The following KIAA1328 variants were observed in gnomAD, a reference collection of about 807,000 sequenced individuals.
KIAA1328 encodes protein hinderin.
Under a neutral mutation model 68.1 loss-of-function variants are expected in KIAA1328, and 52 were observed. The ratio of observed to expected loss-of-function variants is 0.76; its 90% CI spans 0.61 to 0.96. KIAA1328 has a LOEUF of 0.96. Ranked by LOEUF, KIAA1328 falls within the 40% of genes least tolerant of loss-of-function variation. The pLI is 0.00. For missense variants in KIAA1328, 641 were observed against 677.6 expected (o/e 0.95, Z 0.60); for synonymous variants, 232 against 239.4 (o/e 0.97, Z 0.28).
chr18:37,148,084 A>G (rs1298967662), intron 7 of KIAA1328, among the ~76,000 whole-genome samples: 3 of 152,018 alleles, frequency 2.0e-5, no homozygotes, highest in Non-Finnish European at 2.9e-5. Context: ...CATAGACATT[A>G]AGCCCAGCAT....
At chr18:36,897,642 A>G (rs2048907161) in intron 5 of KIAA1328, among the ~76,000 whole-genome samples, 1 of 152,034 alleles carries the variant, frequency 6.6e-6, no homozygotes, top group African/African-American at 2.4e-5. Context: ...TTCAGAGAAA[A>G]GTTTCCAAGT....
chr18:36,980,117 A>T (rs999408224), intron 6 of KIAA1328, among the ~76,000 whole-genome samples: 3 of 152,188 alleles, frequency 2.0e-5, no homozygotes, highest in Non-Finnish European at 4.4e-5. Context: ...AGCAGCCCTT[A>T]CTGAAAACTT....
chr18:36,932,170 G>C (rs1480624091), intron 5 of KIAA1328, among the ~76,000 whole-genome samples: 1 of 152,150 alleles, frequency 6.6e-6, no homozygotes, highest in Admixed American at 6.5e-5. Flanking sequence ...ACACCTCAGT[G>C]ATCATAAACG....
In KIAA1328 at chr18:37,067,063, A is replaced by T. The variant is rs369662546; in HGVS notation, c.750A>T (p.Val250=). Residue 250 remains valine, a synonymous_variant, in exon 7 of 10, where the codon GTA becomes GTT. Transcript: ENST00000280020. The part of the protein sequence containing the change: ...IAFRNNSLKP[V]TLHHPKDDLD... ...TTAGGAATAATTCTTTGAAACCAGT[A>T]ACCCTTCATCATCCCAAAGATGATC... 6.8e-6 allele frequency: 11 copies of T among 1,613,902 alleles called. No individual in the cohort carries two copies. The highest frequency in any genetic ancestry group is 9.3e-6 in the Non-Finnish European group (11 of 1,179,902).
chr18:36,992,957 A>G (rs1208549822), intron 6 of KIAA1328, among the ~76,000 whole-genome samples: 1 of 152,120 alleles, frequency 6.6e-6, no homozygotes, highest in African/African-American at 2.4e-5. Context: ...TACCAAAAAA[A>G]TCAGTTGGGT....
chr18:37,088,723 G>T (rs913608941), intron 7 of KIAA1328, among the ~76,000 whole-genome samples: 1 of 151,858 alleles, frequency 6.6e-6, no homozygotes, highest in East Asian at 1.9e-4. Flanking sequence ...GGTAATCTTT[G>T]TATGTATTAC....
chr18:36,893,503 G>T (rs1354504576), intron 5 of KIAA1328, among the ~76,000 whole-genome samples: 4 of 148,546 alleles, frequency 2.7e-5, no homozygotes. Context: ...GTGTGTGTAT[G>T]TGAGACAAGG....
intron 4 of KIAA1328, among the ~76,000 whole-genome samples, chr18:36,860,072 TG>T (rs2047514451): frequency 6.6e-6 from 1 of 152,152 alleles, no homozygotes; most frequent in South Asian, 2.1e-4. Flanking sequence ...ATTCTTAATT[TG>T]TAAACAAATT....
chr18:36,893,437 GTGTGTGTGTGTGTGTGTGTGTGTGTTTT>G (rs1464418180), intron 5 of KIAA1328, among the ~76,000 whole-genome samples: 8 of 127,514 alleles, frequency 6.3e-5, no homozygotes, highest in African/African-American at 2.5e-4. Context: ...CTGGCTATTT[GTGTGTGTGTGTGTGTGTGTGTGTGTTTT>G]TGTGTGTGTG....
intron 6 of KIAA1328, among the ~76,000 whole-genome samples, chr18:36,978,310 A>G (rs1283246593): frequency 6.6e-6 from 1 of 152,226 alleles, no homozygotes; most frequent in African/African-American, 2.4e-5. Flanking sequence ...CCTCTACTGT[A>G]TATCAATTTC....
chr18:37,067,571 T>C, intron 7 of KIAA1328, 26 bp downstream of exon 7: 1 of 1,459,894 alleles, frequency 6.8e-7, no homozygotes, highest in East Asian at 2.5e-5. Flanking sequence ...TCTTTTTTTT[T>C]TTTTTTTGAG....
intron 7 of KIAA1328, among the ~76,000 whole-genome samples, chr18:37,088,679 A>G (rs1486757180): frequency 6.6e-6 from 1 of 152,080 alleles, no homozygotes; most frequent in Non-Finnish European, 1.5e-5. Context: ...ACTAAAGAAG[A>G]AAATAAAATA....
At chr18:37,209,946 T>C (rs1002313966) in intron 9 of KIAA1328, among the ~76,000 whole-genome samples, 1 of 152,016 alleles carries the variant, frequency 6.6e-6, no homozygotes, top group African/African-American at 2.4e-5. Context: ...TCACCTAAGA[T>C]AGGAGAGCAA....
intron 9 of KIAA1328, among the ~76,000 whole-genome samples, chr18:37,185,120 C>G (rs1354318): frequency 0.27 from 40,598 of 150,836 alleles, 8,606 homozygotes; most frequent in African/African-American, 0.6. Flanking sequence ...GAGCTGAGAT[C>G]GCGCCACTGC....
intron 7 of KIAA1328, among the ~76,000 whole-genome samples, chr18:37,152,669 A>G (rs996369446): frequency 3.3e-5 from 5 of 152,306 alleles, no homozygotes; most frequent in Admixed American, 2.0e-4. Flanking sequence ...TGAGAGGAGT[A>G]GGCTGGTAAA....
intron 7 of KIAA1328, among the ~76,000 whole-genome samples, chr18:37,093,985 A>C (rs1478901792): frequency 1.3e-5 from 2 of 152,184 alleles, no homozygotes; most frequent in Non-Finnish European, 2.9e-5. Context: ...GAAATGAGGA[A>C]ATGGCATGAG....
At chr18:37,183,513 A>G (rs971931157) in intron 9 of KIAA1328, among the ~76,000 whole-genome samples, 2 of 152,176 alleles carry the variant, frequency 1.3e-5, no homozygotes, top group African/African-American at 4.8e-5. Context: ...TCTTAACCCC[A>G]GCACACCAAC....
chr18:36,863,073 G>T (rs2047620145), intron 4 of KIAA1328, among the ~76,000 whole-genome samples: 1 of 151,858 alleles, frequency 6.6e-6, no homozygotes, highest in Non-Finnish European at 1.5e-5. Flanking sequence ...TCCTTTATTG[G>T]ATATGTACTT....
At chr18:37,066,593 T>C (rs1437457315) in intron 6 of KIAA1328, among the ~76,000 whole-genome samples, 1 of 152,224 alleles carries the variant, frequency 6.6e-6, no homozygotes, top group Non-Finnish European at 1.5e-5. Flanking sequence ...AAATTGACTT[T>C]ATGTAACTCT....
Sources: gnomAD v4.1 joint callset for allele counts (sites outside exome capture counted in the v4.1 genomes callset) on GRCh38, gnomAD v4.1.1 for gene constraint, MANE v1.5 for transcripts, NCBI Gene and HGNC (gene_info 2026-07-23, HGNC 2026-07-21) for gene names.